ITGB5: variants seen among roughly 807,000 people sequenced by gnomAD.
The protein encoded by ITGB5 is integrin beta-5.
In ITGB5, 38 loss-of-function variants were observed where a neutral mutation model predicts 84.8. The observed-to-expected ratio is 0.45, with a 90% CI of 0.35 to 0.59. The LOEUF (loss-of-function observed/expected upper bound fraction) is 0.59. Among genes scored for constraint, ITGB5 ranks in the 20% least tolerant of loss-of-function variants. The probability of loss-of-function intolerance (pLI) is 0.01; values close to 1 mark genes in which losing one functional copy is unlikely to be tolerated. For missense variants in ITGB5, 905 were observed against 1,034.5 expected, an observed-to-expected ratio of 0.87 and a Z score of 1.72; for synonymous variants, 393 against 414.4, an observed-to-expected ratio of 0.95 and a Z score of 0.63.
intron 4 of ITGB5, among the ~76,000 whole-genome samples, chr3:124,846,639 A>T (rs549182427): frequency 1.3e-5 from 2 of 152,260 alleles, no homozygotes; most frequent in African/African-American, 4.8e-5. Flanking sequence ...ACATTATATT[A>T]AACGCAAACG....
At chr3:124,849,309 AG>A (rs1311224149) in intron 3 of ITGB5, among the ~76,000 whole-genome samples, 1 of 152,196 alleles carries the variant, frequency 6.6e-6, no homozygotes, top group East Asian at 1.9e-4. Context: ...TGAACAAAAG[AG>A]GGGTGTGGGC....
At chr3:124,844,759 C>T (rs1351564926) in intron 4 of ITGB5, among the ~76,000 whole-genome samples, 1 of 152,152 alleles carries the variant, frequency 6.6e-6, no homozygotes, top group Non-Finnish European at 1.5e-5. Flanking sequence ...GCTACTAAAA[C>T]CAGAAACAGA....
At chr3:124,893,322 T>C (rs1350272691) in intron 1 of ITGB5, among the ~76,000 whole-genome samples, 1 of 152,096 alleles carries the variant, frequency 6.6e-6, no homozygotes, top group Non-Finnish European at 1.5e-5. Flanking sequence ...GTATGATAGT[T>C]GCTTGAATCT....
At chr3:124,886,746 C>G (rs113694686) in intron 1 of ITGB5, among the ~76,000 whole-genome samples, 185 bp downstream of exon 1, 5 of 151,834 alleles carry the variant, frequency 3.3e-5, no homozygotes, top group Non-Finnish European at 5.9e-5. Context: ...CTCACGACAG[C>G]CCGGCGGGGC....
chr3:124,870,930 G>A (rs756093673), intron 2 of ITGB5, among the ~76,000 whole-genome samples: 3 of 151,888 alleles, frequency 2.0e-5, no homozygotes, highest in African/African-American at 4.8e-5. Context: ...TTGCTTTGTC[G>A]CCCAGGCTGG....
At chr3:124,876,975 T>TC (rs1934354059) in intron 1 of ITGB5, among the ~76,000 whole-genome samples, 11 of 152,042 alleles carry the variant, frequency 7.2e-5, no homozygotes, top group Admixed American at 7.2e-4. Context: ...TTGTTTGTTT[T>TC]TTTTTCTTTG....
Position 124,762,156 on chromosome 3 carries a change from G to C in ITGB5, c.*1467C>G, listed in dbSNP as rs1022057839. ...TGCCCCAGGTAATAGGTTCTATGTA[G>C]TGACAGGCATTTCACTATTTGACTT... On this transcript the variant is annotated 3_prime_UTR_variant, in exon 15 of 15. Transcript: ENST00000296181. 1 of 152,240 alleles carries C rather than the reference G, an allele frequency of 6.6e-6. No individual in the cohort carries two copies. The highest frequency in any genetic ancestry group is 1.5e-5 in the Non-Finnish European group (1 of 68,048). 9.4% of individuals were successfully genotyped at this position (152,240 alleles called of 1,614,324 possible). A position where few individuals can be genotyped will look rare whatever the true frequency, so the allele number is the denominator to read the frequency against.
At chr3:124,894,575 C>G (rs1935065792) in intron 1 of ITGB5, 1 of 152,156 alleles carries the variant, frequency 6.6e-6, no homozygotes, top group South Asian at 2.1e-4. Context: ...TCTAAATGCC[C>G]TCTTTCCGCT....
At chr3:124,775,290 G>C (rs527589297) in intron 10 of ITGB5, among the ~76,000 whole-genome samples, 1 of 149,434 alleles carries the variant, frequency 6.7e-6, no homozygotes, top group Non-Finnish European at 1.5e-5. Flanking sequence ...GTGAGTGGGT[G>C]CAAGTGTGCA....
rs2063709672 is a variant in ITGB5 at position 124,762,536 on chromosome 3, T to G, written c.*1087A>C. 6.6e-6 allele frequency: 1 copy of G among 152,250 alleles called. No individual in the cohort carries two copies. The highest frequency in any genetic ancestry group is 2.4e-5 in the African/African-American group (1 of 41,470). The allele number at this position is 152,250 out of a possible 1,614,324, so 9.4% of individuals were successfully genotyped here. A position where few individuals can be genotyped will look rare whatever the true frequency, so the allele number is the denominator to read the frequency against. ...GGAAAAAAGCTCAAATGTGTTTTTT[T>G]GCATTGGGCCTGCATGGGACGTAAG... On this transcript the variant is annotated 3_prime_UTR_variant, in exon 15 of 15. Transcript: ENST00000296181.
chr3:124,809,487 C>T (rs767153739), intron 8 of ITGB5: 7 of 235,262 alleles, frequency 3.0e-5, no homozygotes, highest in South Asian at 8.0e-5. Flanking sequence ...TCCCCATCCT[C>T]GGCTTCAGAC....
At position 124,865,472 on chromosome 3, in the gene ITGB5, G is replaced by A. The variant is rs896210002; in HGVS notation, c.157-6026C>T. On this transcript the variant is annotated intron_variant, in intron 2 of 14. Transcript: ENST00000296181. Reference sequence around the variant, plus strand: ...AATAGAAAGTTGAAGTGTCCTTTGCGGCTTTTTTCTTTTTTTTTTTTTTTT... The same window carrying A: ...AATAGAAAGTTGAAGTGTCCTTTGCAGCTTTTTTCTTTTTTTTTTTTTTTT... Among the ~76,000 whole-genome samples the A allele has an allele frequency of 1.4e-4, 17 of 118,012 alleles. No individual in the cohort carries two copies. In the South Asian group the frequency reaches 4.6e-3, roughly 32 times the overall value. 77.4% of individuals were successfully genotyped at this position (118,012 alleles called of 152,430 possible). A position where few individuals can be genotyped will look rare whatever the true frequency, so the allele number is the denominator to read the frequency against.
At chr3:124,797,033 G>A (rs970030855) in intron 9 of ITGB5, among the ~76,000 whole-genome samples, 3 of 152,206 alleles carry the variant, frequency 2.0e-5, no homozygotes, top group Admixed American at 2.0e-4. Flanking sequence ...GCTCACATTT[G>A]ACAGGTGAAT....
chr3:124,810,759 C>CA (rs1396464852), intron 8 of ITGB5, among the ~76,000 whole-genome samples: 1 of 152,156 alleles, frequency 6.6e-6, no homozygotes, highest in African/African-American at 2.4e-5. Flanking sequence ...ACACTCAACA[C>CA]AGAGTATAGC....
intron 1 of ITGB5, 75 bp downstream of exon 1, chr3:124,886,856 C>T (rs1215496311): frequency 1.0e-6 from 1 of 957,810 alleles, no homozygotes; most frequent in Non-Finnish European, 1.3e-6. Context: ...CTGCGCTCCC[C>T]GCCCCTCCGA....
intron 3 of ITGB5, among the ~76,000 whole-genome samples, chr3:124,851,458 G>A (rs538072856): frequency 1.3e-5 from 2 of 152,226 alleles, no homozygotes; most frequent in South Asian, 4.2e-4. Flanking sequence ...TACAGCCTTG[G>A]GCATACAAAT....
rs1377741238 is a variant in ITGB5, at chr3:124,796,253, G to A, written c.1693+135C>T. ...CTCCTGCCTACGGGTAGCAAGGCTT[G>A]CCCACTGTCTTCTCCAAGGAGAGCC... On this transcript the variant is annotated intron_variant, in intron 10 of 14. Coordinates refer to ENST00000296181, the MANE Select transcript of ITGB5 (RefSeq NM_002213.5). 2.1e-5 allele frequency: 17 copies of A among 810,052 alleles called. No homozygotes were observed. The Admixed American group carries it at 3.7e-4, about 18-fold the overall frequency. The allele number at this position is 810,052 out of a possible 1,614,324, so 50.2% of individuals were successfully genotyped here.
intron 2 of ITGB5, among the ~76,000 whole-genome samples, chr3:124,865,481 CT>C (rs59446328): frequency 4.2e-4 from 39 of 93,294 alleles, no homozygotes; most frequent in Middle Eastern, 8.3e-3. Flanking sequence ...CGGCTTTTTT[CT>C]TTTTTTTTTT....
At position 124,861,527 on chromosome 3, in the gene ITGB5, CAGAG is replaced by C. The variant is rs56690729; in HGVS notation, c.157-2085_157-2082del. Among the ~76,000 whole-genome samples, 138 of 135,612 alleles carry C rather than the reference CAGAG, an allele frequency of 1.0e-3. 2 individuals carry two copies. The highest frequency in any genetic ancestry group is 3.6e-3 in the African/African-American group (130 of 36,072). The allele number at this position is 135,612 out of a possible 152,430, so 89.0% of individuals were successfully genotyped here. On this transcript the variant is annotated intron_variant, in intron 2 of 14. Transcript: ENST00000296181. ...ACACACACACACACACACACACACA[CAGAG>C]AGATACACATATATATATTATTCTG...
Sources: gnomAD v4.1 joint callset for allele counts (sites outside exome capture counted in the v4.1 genomes callset) on GRCh38, gnomAD v4.1.1 for gene constraint, MANE v1.5 for transcripts, NCBI Gene and HGNC (gene_info 2026-07-23, HGNC 2026-07-21) for gene names.